STAM2: variants seen among roughly 807,000 people sequenced by gnomAD.
STAM2 encodes the protein signal transducing adaptor molecule 2, also known as signal transducing adapter molecule 2.
STAM2 carries 51 observed loss-of-function variants against 65.6 expected under a neutral mutation model. The observed-to-expected ratio is 0.78, with a 90% CI of 0.62 to 0.98. The LOEUF (loss-of-function observed/expected upper bound fraction) is 0.98, where lower values mean the gene tolerates loss of function less well. Ranked by LOEUF, STAM2 falls within the 50% of genes least tolerant of loss-of-function variation. The pLI is 0.00. For missense variants in STAM2, 584 were observed against 617.8 expected (o/e 0.95, Z 0.58); for synonymous variants, 198 against 208.4 (o/e 0.95, Z 0.43).
intron 1 of STAM2, among the ~76,000 whole-genome samples, chr2:152,163,743 C>T (rs147880211): frequency 6.6e-6 from 1 of 152,096 alleles, no homozygotes; most frequent in Non-Finnish European, 1.5e-5. Flanking sequence ...GAATTGCATT[C>T]CTGGGAAGAG....
intron 11 of STAM2, 42 bp from the exon 12 acceptor site, chr2:152,126,421 A>G: frequency 1.6e-6 from 2 of 1,237,652 alleles, no homozygotes; most frequent in South Asian, 4.8e-5. Flanking sequence ...TCTAGTTTTT[A>G]GCATGTATTT....
At chr2:152,149,974 G>A (rs2105550898) in intron 2 of STAM2, among the ~76,000 whole-genome samples, 171 bp downstream of exon 2, 1 of 152,318 alleles carries the variant, frequency 6.6e-6, no homozygotes. Flanking sequence ...TGTCTTAGAG[G>A]TAGCAGAGGT....
chr2:152,165,738 A>G (rs1689771141), intron 1 of STAM2, among the ~76,000 whole-genome samples: 1 of 152,184 alleles, frequency 6.6e-6, no homozygotes, highest in African/African-American at 2.4e-5. Flanking sequence ...TCATTTGTCA[A>G]ATGGAGATTA....
At chr2:152,137,425 C>A (rs1264377842) in intron 7 of STAM2, among the ~76,000 whole-genome samples, 1 of 152,136 alleles carries the variant, frequency 6.6e-6, no homozygotes, top group African/African-American at 2.4e-5. Flanking sequence ...CTGTAAACTG[C>A]CTTTTTTTTC....
chr2:152,159,994 G>T (rs1031325995), intron 1 of STAM2, among the ~76,000 whole-genome samples: 2 of 152,244 alleles, frequency 1.3e-5, no homozygotes, highest in African/African-American at 4.8e-5. Context: ...GCCTCCCGAG[G>T]TGCCAGGATT....
intron 11 of STAM2, chr2:152,131,492 C>T (rs1314324333): frequency 6.6e-6 from 1 of 152,330 alleles, no homozygotes; most frequent in Non-Finnish European, 1.5e-5. Flanking sequence ...ATAAAAAACA[C>T]CAGGCTCCCC....
chr2:152,135,405 A>G (rs543056459), intron 8 of STAM2, 104 bp downstream of exon 8: 2 of 826,956 alleles, frequency 2.4e-6, no homozygotes, highest in Non-Finnish European at 4.0e-6. Context: ...GAAATGATTT[A>G]AAACAAAAGT....
In STAM2 at chr2:152,120,282, C is replaced by A; in HGVS notation, c.*292G>T. 2 of 371,708 alleles carry A rather than the reference C, an allele frequency of 5.4e-6. No individual in the cohort carries two copies. Among genetic ancestry groups the A allele is most frequent in the Admixed American group, 4.3e-5 (1 of 23,352 alleles). 23.0% of individuals were successfully genotyped at this position (371,708 alleles called of 1,614,324 possible). On this transcript the variant is annotated 3_prime_UTR_variant, in exon 14 of 14. Transcript: ENST00000263904. The stretch of plus-strand genomic sequence containing the variant: ...GTATCTCATACTGTTTGTCATAAGG[C>A]TACTTAATGAGTATCTAGATTTATG...
intron 1 of STAM2, among the ~76,000 whole-genome samples, chr2:152,161,951 T>C (rs1278145795): frequency 6.6e-6 from 1 of 151,864 alleles, no homozygotes; most frequent in East Asian, 1.9e-4. Flanking sequence ...GCCTCTGGAG[T>C]TGCTGGGATT....
At chr2:152,171,986 T>A (rs1330592240) in intron 1 of STAM2, among the ~76,000 whole-genome samples, 1 of 152,198 alleles carries the variant, frequency 6.6e-6, no homozygotes, top group Non-Finnish European at 1.5e-5. Context: ...TCTTCTCTGT[T>A]AACACTAACC....
chr2:152,134,553 T>C (rs934276094), intron 8 of STAM2, among the ~76,000 whole-genome samples: 2 of 152,204 alleles, frequency 1.3e-5, no homozygotes, highest in African/African-American at 4.8e-5. Context: ...ATGCTTTCAT[T>C]TGAAGTTCTT....
At chr2:152,128,417 T>C (rs1266482019) in intron 11 of STAM2, among the ~76,000 whole-genome samples, 2 of 139,508 alleles carry the variant, frequency 1.4e-5, no homozygotes, top group South Asian at 2.3e-4. Flanking sequence ...TGTCTCAAAT[T>C]AAAAAAAAAA....
chr2:152,149,480 C>T (rs996118520), intron 2 of STAM2, among the ~76,000 whole-genome samples: 2 of 149,698 alleles, frequency 1.3e-5, no homozygotes, highest in Non-Finnish European at 3.0e-5. Flanking sequence ...AAAAACTTCA[C>T]TATTAATAGT....
At chr2:152,173,527 G>A (rs935318114) in intron 1 of STAM2, among the ~76,000 whole-genome samples, 2 of 151,768 alleles carry the variant, frequency 1.3e-5, no homozygotes, top group African/African-American at 4.8e-5. Context: ...CTCCCCAGTA[G>A]CAGGGACTAC....
intron 6 of STAM2, 28 bp from the exon 7 acceptor site, chr2:152,144,041 A>C (rs769984404): frequency 6.4e-7 from 1 of 1,565,844 alleles, no homozygotes; most frequent in Non-Finnish European, 8.7e-7. Flanking sequence ...AATGCAAAGA[A>C]ACTGGAATTA....
intron 1 of STAM2, 141 bp downstream of exon 1, chr2:152,175,462 C>T: frequency 1.8e-6 from 2 of 1,115,350 alleles, no homozygotes; most frequent in Non-Finnish European, 2.6e-6. Context: ...ATCCCAACGT[C>T]GAAGGAGCGG....
chr2:152,166,149 G>C (rs572713787), intron 1 of STAM2, among the ~76,000 whole-genome samples: 2 of 151,862 alleles, frequency 1.3e-5, no homozygotes, highest in South Asian at 2.1e-4. Context: ...ATTCCAGGCT[G>C]GGGGGCAGAG....
chr2:152,151,511 G>A (rs62176477), intron 1 of STAM2, among the ~76,000 whole-genome samples: 5,923 of 152,142 alleles, frequency 0.039, 179 homozygotes, highest in Non-Finnish European at 0.065. Context: ...CAGCTTTATC[G>A]CTATAATTCA....
Position 152,133,448 on chromosome 2 carries a change from ACAT to A in STAM2, c.833_835del (p.Asp278del), listed in dbSNP as rs1689100493. On this transcript the variant is annotated inframe_deletion, in exon 9 of 14. Transcript: ENST00000263904. Reference sequence around the variant, plus strand: ...AGGCTCTGATTTCTTAATTTCCTCCACATCATCATCAATTACATTCAATTTGTC... The same window carrying A: ...AGGCTCTGATTTCTTAATTTCCTCCACATCATCAATTACATTCAATTTGTC... The A allele has an allele frequency of 6.2e-7, 1 of 1,612,968 alleles. No individual in the cohort carries two copies. Among genetic ancestry groups the A allele is most frequent in the Non-Finnish European group, 8.5e-7 (1 of 1,179,370 alleles).
Sources: gnomAD v4.1 joint callset for allele counts (sites outside exome capture counted in the v4.1 genomes callset) on GRCh38, gnomAD v4.1.1 for gene constraint, MANE v1.5 for transcripts, NCBI Gene and HGNC (gene_info 2026-07-23, HGNC 2026-07-21) for gene names.